OC90: variants seen among roughly 807,000 people sequenced by gnomAD.
OC90 encodes otoconin 90, also known as otoconin-90.
OC90 carries 46 observed loss-of-function variants against 47.3 expected under a neutral mutation model. The ratio of observed to expected loss-of-function variants is 0.97; its 90% CI spans 0.77 to 1.24. The LOEUF (loss-of-function observed/expected upper bound fraction) is 1.24. OC90 is among the 50% of genes most tolerant of loss of function. The pLI is 0.00. For synonymous variants in OC90, 271 were observed against 219.5 expected (o/e 1.23, Z -2.07); for missense variants, 688 against 583.9 (o/e 1.18, Z -1.84).
chr8:132,055,761 G>C (rs908235635), intron 1 of OC90, among the ~76,000 whole-genome samples: 4 of 152,092 alleles, frequency 2.6e-5, no homozygotes, highest in South Asian at 2.1e-4. Context: ...GGATGCTTTG[G>C]GGGCAAAGGG....
intron 11 of OC90, 109 bp from the exon 12 acceptor site, chr8:132,032,161 A>G (rs1439782464): frequency 8.5e-6 from 8 of 946,744 alleles, no homozygotes; most frequent in Non-Finnish European, 1.3e-5. Flanking sequence ...AGTCATGCAA[A>G]GGAACCCCAT....
chr8:132,054,657 CTG>C (rs1339880841), intron 2 of OC90, among the ~76,000 whole-genome samples: 2 of 152,150 alleles, frequency 1.3e-5, no homozygotes, highest in Non-Finnish European at 2.9e-5. Context: ...CTTTCTATGA[CTG>C]TAATTTTTTG....
At chr8:132,052,624 C>T (rs75002314) in intron 2 of OC90, among the ~76,000 whole-genome samples, 8,848 of 152,178 alleles carry the variant, frequency 0.058, 313 homozygotes, top group Non-Finnish European at 0.068. Flanking sequence ...TCTTTATCCC[C>T]GAGGACTAAG....
intron 1 of OC90, among the ~76,000 whole-genome samples, chr8:132,055,803 C>T (rs574188737): frequency 9.4e-4 from 143 of 152,190 alleles, no homozygotes; most frequent in Non-Finnish European, 1.5e-3. Context: ...AACCCTACTG[C>T]TTTTCAATTG....
chr8:132,039,168 A>T, intron 6 of OC90, 45 bp from the exon 7 acceptor site: 1 of 1,558,016 alleles, frequency 6.4e-7, no homozygotes, highest in Non-Finnish European at 8.7e-7. Context: ...TCTCAGCTGG[A>T]ATCCCAAGAG....
intron 1 of OC90, among the ~76,000 whole-genome samples, chr8:132,057,369 C>A (rs1025440144): frequency 6.6e-6 from 1 of 152,174 alleles, no homozygotes; most frequent in Non-Finnish European, 1.5e-5. Flanking sequence ...TCAGATAAGA[C>A]GGCCTGAAGG....
chr8:132,031,693 G>A (rs1822877046), intron 12 of OC90, among the ~76,000 whole-genome samples, 188 bp downstream of exon 12: 1 of 152,162 alleles, frequency 6.6e-6, no homozygotes, highest in Admixed American at 6.5e-5. Context: ...GTCAGTCCCT[G>A]AGCCTCAGCT....
chr8:132,034,807 C>A lies in OC90; in HGVS notation c.707G>T (p.Gly236Val), dbSNP rs766732640. Residue 236 changes from glycine to valine, a missense_variant, in exon 10 of 14, where the codon GGA (glycine) becomes GTA (valine). Gly to Val is a moderately radical substitution (Grantham distance 109). Transcript: ENST00000254627. ...EEAGHDQEGVGAARATSPPGS... is the reference protein window; with the variant it reads ...EEAGHDQEGVVAARATSPPGS... ...TGGAGGGGACGTAGCCCTAGCAGCT[C>A]CCACTCCTTCCTGATCGTGGCCTGC... The A allele has an allele frequency of 8.1e-6, 13 of 1,612,820 alleles. No individual in the cohort carries two copies. The highest frequency in any genetic ancestry group is 1.1e-5 in the Non-Finnish European group (13 of 1,179,126).
At chr8:132,054,636 T>C (rs924750207) in intron 2 of OC90, among the ~76,000 whole-genome samples, 31 of 152,218 alleles carry the variant, frequency 2.0e-4, no homozygotes, top group Non-Finnish European at 4.4e-5. Flanking sequence ...ATGGATACGA[T>C]TGCACGTAAA....
At chr8:132,041,201 G>C in intron 5 of OC90, 45 bp from the exon 6 acceptor site, 1 of 1,178,070 alleles carries the variant, frequency 8.5e-7, no homozygotes, top group Non-Finnish European at 1.3e-6. Flanking sequence ...GTGGGTTAGA[G>C]TGAGGGAGGG....
intron 4 of OC90, among the ~76,000 whole-genome samples, chr8:132,042,697 C>A (rs1320021541): frequency 2.6e-5 from 4 of 152,256 alleles, no homozygotes; most frequent in African/African-American, 9.6e-5. Flanking sequence ...ATGCTAAATG[C>A]AAATCCAAAC....
intron 6 of OC90, 34 bp downstream of exon 6, chr8:132,041,010 G>C: frequency 7.7e-7 from 1 of 1,306,016 alleles, no homozygotes; most frequent in East Asian, 2.3e-5. Context: ...GTCATTTCTG[G>C]GCCCAGGCCC....
rs371378310 is a variant in OC90 at position 132,024,728 on chromosome 8, G to A, written c.1187C>T (p.Thr396Met). The A allele has an allele frequency of 2.5e-5, 41 of 1,613,702 alleles. No individual in the cohort carries two copies. Among genetic ancestry groups the A allele is most frequent in the Admixed American group, 1.7e-4 (10 of 59,984 alleles). ...CEKLLCACDQ[T>M]AAECMTSASF... Reference sequence around the variant, plus strand: ...GGCAGAGGTCATGCACTCAGCTGCCGTCTGGTCACAGGCACAGAGCAACTT... The same window carrying A: ...GGCAGAGGTCATGCACTCAGCTGCCATCTGGTCACAGGCACAGAGCAACTT... Residue 396 changes from threonine to methionine, a missense_variant, in exon 14 of 14, where the codon ACG (threonine) becomes ATG (methionine). Thr to Met is a moderately conservative substitution (Grantham distance 81). Transcript: ENST00000254627.
chr8:132,036,394 C>T (rs763185768), intron 9 of OC90: 1 of 780,726 alleles, frequency 1.3e-6, no homozygotes, highest in African/African-American at 1.7e-5. Flanking sequence ...AGTGATCAGT[C>T]TGTCAGCCTC....
chr8:132,047,776 T>C (rs1823153048), intron 2 of OC90, among the ~76,000 whole-genome samples: 1 of 152,122 alleles, frequency 6.6e-6, no homozygotes, highest in African/African-American at 2.4e-5. Context: ...CAGTAAACAT[T>C]TAAAAATTAG....
At chr8:132,048,301 G>A (rs1373945979) in intron 2 of OC90, among the ~76,000 whole-genome samples, 1 of 152,110 alleles carries the variant, frequency 6.6e-6, no homozygotes, top group Admixed American at 6.6e-5. Flanking sequence ...GCTTTAAAAA[G>A]GGTAAATATA....
chr8:132,048,826 G>C (rs12674562), intron 2 of OC90, among the ~76,000 whole-genome samples: 1 of 151,380 alleles, frequency 6.6e-6, no homozygotes, highest in Non-Finnish European at 1.5e-5. Flanking sequence ...GGCCAACTTC[G>C]TCACAAGGGA....
intron 2 of OC90, among the ~76,000 whole-genome samples, chr8:132,052,242 A>C (rs546790028): frequency 6.6e-6 from 1 of 152,346 alleles, no homozygotes; most frequent in South Asian, 2.1e-4. Context: ...ACTTTCAGGC[A>C]GGGAGGTAGA....
At chr8:132,025,626 T>C (rs1273434033) in intron 13 of OC90, among the ~76,000 whole-genome samples, 1 of 152,184 alleles carries the variant, frequency 6.6e-6, no homozygotes, top group Non-Finnish European at 1.5e-5. Context: ...CAGGAAATAG[T>C]AAATCTGTAA....
Sources: allele counts gnomAD v4.1 joint callset (sites outside exome capture counted in the v4.1 genomes callset), GRCh38; gene constraint gnomAD v4.1.1; transcripts MANE v1.5; gene names NCBI Gene and HGNC (gene_info 2026-07-23, HGNC 2026-07-21).